ACSF3: variants seen among roughly 807,000 people sequenced by gnomAD.
The protein encoded by ACSF3 is acyl-CoA synthetase family member 3.
ACSF3 carries 78 observed loss-of-function variants against 53.2 expected under a neutral mutation model. The observed-to-expected ratio is 1.47, with a 90% CI of 1.22 to 1.77. The LOEUF (loss-of-function observed/expected upper bound fraction) is 1.77, where lower values mean the gene tolerates loss of function less well. Among genes scored for constraint, ACSF3 ranks in the 40% most tolerant of loss-of-function variants. The probability of loss-of-function intolerance (pLI) is 0.00; values close to 1 mark genes in which losing one functional copy is unlikely to be tolerated. For synonymous variants in ACSF3, 414 were observed against 333.1 expected (o/e 1.24, Z -2.65); for missense variants, 937 against 771.1 (o/e 1.22, Z -2.55).
At chr16:89,121,246 C>T (rs1000092399) in intron 7 of ACSF3, among the ~76,000 whole-genome samples, 4 of 152,328 alleles carry the variant, frequency 2.6e-5, no homozygotes, top group East Asian at 1.9e-4. Flanking sequence ...CTTGGCTAAG[C>T]GGAAGAGATA....
intron 6 of ACSF3, among the ~76,000 whole-genome samples, chr16:89,120,195 C>T (rs1244976078): frequency 3.3e-5 from 5 of 152,210 alleles, no homozygotes; most frequent in East Asian, 1.9e-4. Context: ...ATTTTAGCCA[C>T]GTTGAGACTG....
chr16:89,155,841 G>C lies in ACSF3; in HGVS notation c.*1634G>C, dbSNP rs962645807. The C allele has an allele frequency of 1.5e-4, 66 of 451,152 alleles. No homozygotes were observed. Among genetic ancestry groups the C allele is most frequent in the Non-Finnish European group, 3.1e-5 (7 of 225,516 alleles). 27.9% of individuals were successfully genotyped at this position (451,152 alleles called of 1,614,324 possible). On this transcript the variant is annotated 3_prime_UTR_variant, in exon 11 of 11. Transcript: ENST00000614302. Reference sequence around the variant, plus strand: ...GCTTACATAATCATTTGCTTTATCCGATAGTATACATCAGTATATCATGCT... The same window carrying C: ...GCTTACATAATCATTTGCTTTATCCCATAGTATACATCAGTATATCATGCT...
At chr16:89,100,290 T>C (rs568786800) in intron 2 of ACSF3, among the ~76,000 whole-genome samples, 2 of 152,384 alleles carry the variant, frequency 1.3e-5, no homozygotes, top group East Asian at 3.9e-4. Context: ...TTCTCTGCAC[T>C]TCCCCCTCTC....
intron 8 of ACSF3, among the ~76,000 whole-genome samples, chr16:89,139,778 A>G (rs1048702251): frequency 6.6e-6 from 1 of 151,672 alleles, no homozygotes; most frequent in South Asian, 2.1e-4. Context: ...TATTTTTAGT[A>G]GAGACGGGGT....
intron 2 of ACSF3, among the ~76,000 whole-genome samples, chr16:89,099,960 G>T (rs900204074): frequency 7.0e-6 from 1 of 142,296 alleles, no homozygotes; most frequent in African/African-American, 2.6e-5. Context: ...GGGCAATACA[G>T]TGAGACCTTG....
At position 89,103,233 on chromosome 16, in the gene ACSF3, C is replaced by T. The variant is rs140872057; in HGVS notation, c.822+474C>T. Reference sequence around the variant, plus strand: ...GGAGGTGACTGTACAGGCCCTGCTGCCCGCGAGCTCCTGCGGCTGCGGCGA... The same window carrying T: ...GGAGGTGACTGTACAGGCCCTGCTGTCCGCGAGCTCCTGCGGCTGCGGCGA... On this transcript the variant is annotated intron_variant, in intron 4 of 10. Transcript: ENST00000614302. 3.5e-3 allele frequency among the ~76,000 whole-genome samples: 536 copies of T among 152,360 alleles called. 2 individuals are homozygous for T. The highest frequency in any genetic ancestry group is 0.012 in the African/African-American group (517 of 41,588).
At chr16:89,143,458 T>C (rs1399249300) in intron 8 of ACSF3, among the ~76,000 whole-genome samples, 1 of 152,004 alleles carries the variant, frequency 6.6e-6, no homozygotes, top group Non-Finnish European at 1.5e-5. Flanking sequence ...CCTGAGCACC[T>C]GGCAGCCTCC....
chr16:89,117,980 C>CCTCGGGCGCTGGGGACGCTCT (rs1905551690), intron 6 of ACSF3, among the ~76,000 whole-genome samples: 1 of 107,846 alleles, frequency 9.3e-6, no homozygotes, highest in Non-Finnish European at 2.0e-5. Flanking sequence ...AAGGACATTC[C>CCTCGGGCGCTGGGGACGCTCT]CTCTTCTCTA....
At chr16:89,135,407 G>T (rs981874604) in intron 8 of ACSF3, among the ~76,000 whole-genome samples, 53 of 152,350 alleles carry the variant, frequency 3.5e-4, no homozygotes, top group African/African-American at 1.0e-3. Context: ...AGTTCCGCAC[G>T]TTTGCAAAGT....
chr16:89,142,079 C>T (rs1448885701), intron 8 of ACSF3, among the ~76,000 whole-genome samples: 1 of 152,222 alleles, frequency 6.6e-6, no homozygotes, highest in Admixed American at 6.5e-5. Flanking sequence ...GCGCGCCGAC[C>T]CCTACGGTTC....
At chr16:89,135,838 G>A (rs1322163355) in intron 8 of ACSF3, among the ~76,000 whole-genome samples, 2 of 152,220 alleles carry the variant, frequency 1.3e-5, no homozygotes, top group African/African-American at 2.4e-5. Context: ...GCAGTGGCAC[G>A]ATCTCAGCTC....
At chr16:89,104,411 A>G (rs1046716612) in intron 4 of ACSF3, among the ~76,000 whole-genome samples, 6 of 152,212 alleles carry the variant, frequency 3.9e-5, no homozygotes, top group Non-Finnish European at 8.8e-5. Flanking sequence ...CCTAAAGCCC[A>G]GAGCACAGCA....
intron 8 of ACSF3, among the ~76,000 whole-genome samples, chr16:89,134,065 A>G (rs1176677522): frequency 1.3e-5 from 2 of 152,190 alleles, no homozygotes; most frequent in African/African-American, 4.8e-5. Flanking sequence ...CGACATTTGG[A>G]TAGTGGACGT....
chr16:89,111,832 C>T (rs112815013), intron 4 of ACSF3, among the ~76,000 whole-genome samples: 38 of 152,340 alleles, frequency 2.5e-4, no homozygotes, highest in African/African-American at 8.7e-4. Flanking sequence ...TGACCACTCA[C>T]GTCTCTCCAG....
chr16:89,153,769 G>A lies in ACSF3; in HGVS notation c.1614-321G>A, dbSNP rs117877906. 10,625 of 402,900 alleles carry A rather than the reference G, an allele frequency of 0.026. 347 individuals are homozygous for A. The highest frequency in any genetic ancestry group is 0.12 in the East Asian group (2,335 of 18,720). The allele number at this position is 402,900 out of a possible 1,614,324, so 25.0% of individuals were successfully genotyped here. Reference sequence around the variant, plus strand: ...TGCGGGGACTTGGAAGGCCTGGCCCGGTGTGGGGGCCCCTCTGCCCTGCAG... The same window carrying A: ...TGCGGGGACTTGGAAGGCCTGGCCCAGTGTGGGGGCCCCTCTGCCCTGCAG... On this transcript the variant is annotated intron_variant, in intron 10 of 10. Transcript: ENST00000614302.
chr16:89,137,452 C>T (rs1356365218), intron 8 of ACSF3, among the ~76,000 whole-genome samples: 2 of 136,150 alleles, frequency 1.5e-5, no homozygotes, highest in African/African-American at 5.6e-5. Flanking sequence ...AGCCCCAGGT[C>T]TCGGGAGGAC....
chr16:89,140,661 G>A (rs1189883628), intron 8 of ACSF3, among the ~76,000 whole-genome samples: 1 of 152,126 alleles, frequency 6.6e-6, no homozygotes, highest in South Asian at 2.1e-4. Flanking sequence ...CAGAACAGGC[G>A]CTGTTCTTAT....
intron 7 of ACSF3, among the ~76,000 whole-genome samples, chr16:89,127,715 G>T (rs1598019214): frequency 2.0e-5 from 3 of 152,086 alleles, no homozygotes; most frequent in South Asian, 2.1e-4. Context: ...TTTCTTTAGT[G>T]CTTATAGGAC....
chr16:89,134,717 C>G (rs1490841500), intron 8 of ACSF3, among the ~76,000 whole-genome samples: 5 of 152,348 alleles, frequency 3.3e-5, no homozygotes, highest in Non-Finnish European at 4.4e-5. Flanking sequence ...TTGTTTACCT[C>G]CTGTTTTAGC....
Sources: gnomAD v4.1 joint callset for allele counts (sites outside exome capture counted in the v4.1 genomes callset) on GRCh38, gnomAD v4.1.1 for gene constraint, MANE v1.5 for transcripts, NCBI Gene and HGNC (gene_info 2026-07-23, HGNC 2026-07-21) for gene names.